Variants in LHFPL3 observed in about 807,000 individuals in gnomAD.
LHFPL3 encodes the protein LHFPL tetraspan subfamily member 3 protein.
LHFPL3 carries 5 observed loss-of-function variants against 19.3 expected under a neutral mutation model. The observed-to-expected ratio is 0.26, with a 90% CI of 0.14 to 0.54. The LOEUF (loss-of-function observed/expected upper bound fraction) is 0.54. LHFPL3 is among the 20% of genes least tolerant of loss of function. LHFPL3 has a pLI of 0.94. For missense variants in LHFPL3, 249 were observed against 307.4 expected (o/e 0.81, Z 1.42); for synonymous variants, 133 against 126.2 (o/e 1.05, Z -0.36).
intron 1 of LHFPL3, among the ~76,000 whole-genome samples, chr7:104,451,711 T>A (rs1245328670): frequency 1.3e-5 from 2 of 152,284 alleles, no homozygotes; most frequent in East Asian, 3.9e-4. Flanking sequence ...ACAAAAGACA[T>A]GTTTAGTGTC....
chr7:104,408,863 TC>T (rs1201126440), intron 1 of LHFPL3, among the ~76,000 whole-genome samples: 1 of 130,760 alleles, frequency 7.6e-6, no homozygotes, highest in African/African-American at 3.1e-5. Context: ...TAATTTTCTT[TC>T]TTTTTTTTTT....
intron 1 of LHFPL3, among the ~76,000 whole-genome samples, chr7:104,434,676 G>A (rs1792068102): frequency 1.3e-5 from 2 of 152,278 alleles, no homozygotes; most frequent in African/African-American, 2.4e-5. Context: ...TTCTGAGGAT[G>A]AGAACCTTTC....
intron 1 of LHFPL3, among the ~76,000 whole-genome samples, chr7:104,614,447 G>C (rs1254261557): frequency 1.3e-5 from 2 of 152,042 alleles, no homozygotes; most frequent in Admixed American, 6.6e-5. Flanking sequence ...CTTAGTACAG[G>C]TCATGTACAG....
rs536621199 is a variant in LHFPL3, at chr7:104,595,688, A to G, written c.446-140987A>G. ...CACAGAGGTGGAGTCTAGAGGCAGT[A>G]GGCCTTGTTGAGCTGTGGTGGGCTC... On this transcript the variant is annotated intron_variant, in intron 1 of 2. Transcript: ENST00000424859. Among the ~76,000 whole-genome samples the G allele has an allele frequency of 1.1e-4, 17 of 152,374 alleles. No individual in the cohort carries two copies. The East Asian group carries it at 1.4e-3, about 12-fold the overall frequency.
chr7:104,645,125 G>A (rs531401176), intron 1 of LHFPL3, among the ~76,000 whole-genome samples: 4 of 152,290 alleles, frequency 2.6e-5, no homozygotes, highest in South Asian at 2.1e-4. Flanking sequence ...TGTAGACACA[G>A]CTTATGCTTT....
intron 2 of LHFPL3, among the ~76,000 whole-genome samples, chr7:104,746,500 T>A (rs2116331390): frequency 6.6e-6 from 1 of 152,074 alleles, no homozygotes; most frequent in South Asian, 2.1e-4. Context: ...GGAAATGAAA[T>A]CTCACCAGTT....
rs1294712111 is a variant in LHFPL3, at chr7:104,827,615, T to C, written c.683-78572T>C. Among the ~76,000 whole-genome samples the C allele has an allele frequency of 2.6e-5, 4 of 151,670 alleles. No homozygotes were observed. The East Asian group carries it at 5.8e-4, about 22-fold the overall frequency. On this transcript the variant is annotated intron_variant, in intron 2 of 2. Transcript: ENST00000424859. ...TCTCAAATATCTGTTTTGTTTTGTT[T>C]TTTTTTTTGATTGATAGTATCTTGT... is the stretch of plus-strand genomic sequence containing the variant.
intron 1 of LHFPL3, among the ~76,000 whole-genome samples, chr7:104,383,199 T>C (rs1208406757): frequency 6.6e-5 from 10 of 152,226 alleles, no homozygotes; most frequent in South Asian, 2.1e-4. Context: ...TTTCCTCCTA[T>C]GAATTATGCA....
chr7:104,565,023 AC>A (rs1275172319), intron 1 of LHFPL3, among the ~76,000 whole-genome samples: 1 of 152,222 alleles, frequency 6.6e-6, no homozygotes, highest in African/African-American at 2.4e-5. Context: ...AATCTTGTGA[AC>A]CTGGAAAATT....
At chr7:104,588,309 G>A (rs559830410) in intron 1 of LHFPL3, among the ~76,000 whole-genome samples, 46 of 152,192 alleles carry the variant, frequency 3.0e-4, no homozygotes, top group African/African-American at 9.9e-4. Context: ...TGTAAGGAAG[G>A]GATCCAGTTT....
chr7:104,472,350 G>C (rs983104551), intron 1 of LHFPL3, among the ~76,000 whole-genome samples: 4 of 152,068 alleles, frequency 2.6e-5, no homozygotes, highest in African/African-American at 9.7e-5. Context: ...CCCATCAAAT[G>C]GATAACACGA....
At chr7:104,646,734 T>C (rs1003092635) in intron 1 of LHFPL3, among the ~76,000 whole-genome samples, 4 of 152,350 alleles carry the variant, frequency 2.6e-5, no homozygotes, top group Middle Eastern at 3.4e-3. Flanking sequence ...GTCACTAAGT[T>C]TATTTTCCAC....
In LHFPL3 at chr7:104,399,497, A is replaced by G. The variant is rs998696260; in HGVS notation, c.445+70273A>G. 1.3e-5 allele frequency among the ~76,000 whole-genome samples: 2 copies of G among 151,276 alleles called. No individual in the cohort carries two copies. The highest frequency in any genetic ancestry group is 6.6e-5 in the Admixed American group (1 of 15,132). The stretch of plus-strand genomic sequence containing the variant: ...GAGATGGAGTCTTGCTCTGTTGCCC[A>G]GGCTGGCAGGCTGGAGTGCAGTGGC... On this transcript the variant is annotated intron_variant, in intron 1 of 2. Coordinates refer to ENST00000424859, the MANE Select transcript of LHFPL3 (RefSeq NM_199000.3). The surrounding 1 kb of genome is among the most constrained non-coding windows in gnomAD (Gnocchi z 4.4).
At chr7:104,495,793 G>A (rs775095052) in intron 1 of LHFPL3, among the ~76,000 whole-genome samples, 4 of 152,136 alleles carry the variant, frequency 2.6e-5, no homozygotes, top group Non-Finnish European at 5.9e-5. Flanking sequence ...AAAGTGCTGG[G>A]ATTACAGGTG....
chr7:104,685,251 G>A (rs1479169792), intron 1 of LHFPL3, among the ~76,000 whole-genome samples: 2 of 152,204 alleles, frequency 1.3e-5, no homozygotes, highest in Non-Finnish European at 2.9e-5. Flanking sequence ...GGAGGCTGAA[G>A]CAGGAGAATT....
intron 1 of LHFPL3, among the ~76,000 whole-genome samples, chr7:104,335,299 C>A (rs1789773166): frequency 6.6e-6 from 1 of 152,218 alleles, no homozygotes; most frequent in Admixed American, 6.5e-5. Flanking sequence ...CATTTCAAAT[C>A]TTCTCCCATG....
chr7:104,366,429 A>G (rs1790497373), intron 1 of LHFPL3, among the ~76,000 whole-genome samples: 1 of 152,220 alleles, frequency 6.6e-6, no homozygotes, highest in Non-Finnish European at 1.5e-5. Context: ...CCCTGCTGAA[A>G]TAAATTAAGC....
At chr7:104,847,839 AATC>A (rs1791339898) in intron 2 of LHFPL3, among the ~76,000 whole-genome samples, 2 of 152,340 alleles carry the variant, frequency 1.3e-5, no homozygotes, top group South Asian at 4.1e-4. Context: ...GAGAGCAAAA[AATC>A]ATCACTTGAT....
intron 2 of LHFPL3, among the ~76,000 whole-genome samples, chr7:104,758,402 C>T (rs979634597): frequency 6.6e-6 from 1 of 151,972 alleles, no homozygotes; most frequent in East Asian, 1.9e-4. Context: ...TAGCAATGAG[C>T]CCTATACATG....
Sources: allele counts gnomAD v4.1 joint callset (sites outside exome capture counted in the v4.1 genomes callset), GRCh38; gene constraint gnomAD v4.1.1; non-coding constraint Gnocchi (gnomAD v3.1); transcripts MANE v1.5; gene names NCBI Gene and HGNC (gene_info 2026-07-23, HGNC 2026-07-21).